Variants in TEKT5 observed in about 807,000 individuals in gnomAD.
TEKT5 encodes tektin-5.
Under a neutral mutation model 48.7 loss-of-function variants are expected in TEKT5, and 52 were observed. That is an observed-to-expected ratio of 1.07 (90% CI 0.86 to 1.35). The LOEUF (loss-of-function observed/expected upper bound fraction) is 1.35, where lower values mean the gene tolerates loss of function less well. TEKT5 is among the 40% of genes most tolerant of loss of function. The probability of loss-of-function intolerance (pLI) is 0.00; values close to 1 mark genes in which losing one functional copy is unlikely to be tolerated. For missense variants in TEKT5, 831 were observed against 641.6 expected (o/e 1.30, Z -3.19); for synonymous variants, 318 against 267.6 (o/e 1.19, Z -1.84).
intron 5 of TEKT5, among the ~76,000 whole-genome samples, chr16:10,651,567 C>T (rs929900946): frequency 6.6e-6 from 1 of 152,184 alleles, no homozygotes; most frequent in African/African-American, 2.4e-5. Context: ...GTGCCAGGCA[C>T]TTTTCCAAGG....
chr16:10,690,502 G>A, intron 1 of TEKT5: 1 of 898,552 alleles, frequency 1.1e-6, no homozygotes. Context: ...CTCTGCAGAT[G>A]GGTGCCATAT....
In TEKT5 at chr16:10,637,005, G is replaced by A. The variant is rs1278745578; in HGVS notation, c.1087-1087C>T. Among the ~76,000 whole-genome samples, 9 of 127,260 alleles carry A rather than the reference G, an allele frequency of 7.1e-5. No homozygotes were observed. In the South Asian group the frequency reaches 1.9e-3, roughly 27 times the overall value. 83.5% of individuals were successfully genotyped at this position (127,260 alleles called of 152,430 possible). On this transcript the variant is annotated intron_variant, in intron 5 of 6. Coordinates refer to ENST00000283025, the MANE Select transcript of TEKT5 (RefSeq NM_144674.2). Reference sequence around the variant, plus strand: ...CTGATTTTTTTTTTTTTTTTTTGACGGAGTCTCGCTCTGTCACCAGGGCTG... The same window carrying A: ...CTGATTTTTTTTTTTTTTTTTTGACAGAGTCTCGCTCTGTCACCAGGGCTG...
At chr16:10,676,778 G>C (rs1194909780) in intron 4 of TEKT5, among the ~76,000 whole-genome samples, 1 of 152,250 alleles carries the variant, frequency 6.6e-6, no homozygotes, top group Admixed American at 6.5e-5. Flanking sequence ...AGTTAGGAGA[G>C]AGCCATGAAC....
At chr16:10,671,508 A>G (rs1456990160) in intron 5 of TEKT5, among the ~76,000 whole-genome samples, 1 of 152,242 alleles carries the variant, frequency 6.6e-6, no homozygotes, top group Non-Finnish European at 1.5e-5. Context: ...CCTTGAAGAC[A>G]TTATGCCAAG....
intron 3 of TEKT5, among the ~76,000 whole-genome samples, chr16:10,686,442 G>C (rs1177459045): frequency 1.3e-5 from 2 of 150,450 alleles, no homozygotes. Flanking sequence ...GGGTGACAGA[G>C]GGAGACTCCA....
At chr16:10,636,613 G>A (rs1017161098) in intron 5 of TEKT5, among the ~76,000 whole-genome samples, 1 of 151,520 alleles carries the variant, frequency 6.6e-6, no homozygotes, top group Non-Finnish European at 1.5e-5. Context: ...GACAGAGACT[G>A]TTAATCTGAA....
chr16:10,643,198 C>G (rs1429424855), intron 5 of TEKT5, among the ~76,000 whole-genome samples: 1 of 151,508 alleles, frequency 6.6e-6, no homozygotes, highest in African/African-American at 2.4e-5. Context: ...CTGGGCAACA[C>G]AGTGAGACCC....
chr16:10,636,452 A>G (rs1162991862), intron 5 of TEKT5, among the ~76,000 whole-genome samples: 4 of 151,834 alleles, frequency 2.6e-5, no homozygotes, highest in Non-Finnish European at 5.9e-5. Context: ...GTGGACATGG[A>G]AGACGGGCCA....
chr16:10,637,762 A>G (rs114769672), intron 5 of TEKT5, among the ~76,000 whole-genome samples: 4,103 of 152,256 alleles, frequency 0.027, 197 homozygotes, highest in African/African-American at 0.093. Flanking sequence ...CAAATACAAG[A>G]CGCGAGTGGT....
intron 5 of TEKT5, among the ~76,000 whole-genome samples, chr16:10,664,461 G>T (rs563205712): frequency 6.6e-6 from 1 of 152,322 alleles, no homozygotes; most frequent in East Asian, 1.9e-4. Context: ...GATGCTGATG[G>T]TCCAAGGACC....
At chr16:10,690,607 G>C in intron 1 of TEKT5, 3 of 985,390 alleles carry the variant, frequency 3.0e-6, no homozygotes, top group Non-Finnish European at 3.6e-6. Flanking sequence ...CTGTGAATAT[G>C]CATGAAAACC....
intron 6 of TEKT5, among the ~76,000 whole-genome samples, chr16:10,628,855 G>C (rs1243578321): frequency 6.8e-6 from 1 of 146,044 alleles, no homozygotes. Context: ...GCAGTGAGCT[G>C]AGATCACATC....
chr16:10,660,094 T>C (rs1898336497), intron 5 of TEKT5, among the ~76,000 whole-genome samples: 1 of 152,148 alleles, frequency 6.6e-6, no homozygotes, highest in Non-Finnish European at 1.5e-5. Flanking sequence ...TCTGAGACAT[T>C]AGGCAACGTG....
intron 5 of TEKT5, among the ~76,000 whole-genome samples, chr16:10,661,465 T>C (rs1414598866): frequency 2.0e-5 from 3 of 152,174 alleles, no homozygotes; most frequent in African/African-American, 7.2e-5. Flanking sequence ...CATATGCATA[T>C]TAAAGCTTTA....
At chr16:10,632,633 G>T (rs1218983889) in intron 6 of TEKT5, among the ~76,000 whole-genome samples, 1 of 151,978 alleles carries the variant, frequency 6.6e-6, no homozygotes. Flanking sequence ...CTTTCTGGGG[G>T]ATAGGCATGG....
chr16:10,651,295 C>A (rs948962030), intron 5 of TEKT5, among the ~76,000 whole-genome samples: 1 of 152,190 alleles, frequency 6.6e-6, no homozygotes, highest in East Asian at 1.9e-4. Flanking sequence ...AACTGCAGCC[C>A]TAACCAGCCA....
chr16:10,657,176 A>C (rs891254411), intron 5 of TEKT5, among the ~76,000 whole-genome samples: 1 of 146,108 alleles, frequency 6.8e-6, no homozygotes, highest in Non-Finnish European at 1.5e-5. Flanking sequence ...CCCAGGCTGG[A>C]GTGCAATGGT....
intron 5 of TEKT5, among the ~76,000 whole-genome samples, chr16:10,671,552 T>C (rs575065190): frequency 2.2e-4 from 34 of 152,346 alleles, no homozygotes; most frequent in African/African-American, 7.7e-4. Context: ...ACAACTACTG[T>C]ATGATTCCAC....
intron 5 of TEKT5, among the ~76,000 whole-genome samples, chr16:10,666,967 C>G (rs1202836418): frequency 7.0e-6 from 1 of 143,226 alleles, no homozygotes; most frequent in Non-Finnish European, 1.5e-5. Context: ...CAGCCTAACA[C>G]TGGCTCCTTA....
Sources: allele counts gnomAD v4.1 joint callset (sites outside exome capture counted in the v4.1 genomes callset), GRCh38; gene constraint gnomAD v4.1.1; transcripts MANE v1.5; gene names NCBI Gene and HGNC (gene_info 2026-07-23, HGNC 2026-07-21).